The following PTPRN2 variants were observed in gnomAD, a reference collection of about 807,000 sequenced individuals.
The protein encoded by PTPRN2 is protein tyrosine phosphatase receptor type N2.
In PTPRN2, 74 loss-of-function variants were observed where a neutral mutation model predicts 118.8. That is an observed-to-expected ratio of 0.62 (90% CI 0.52 to 0.76). The LOEUF (loss-of-function observed/expected upper bound fraction) is 0.76. Ranked by LOEUF, PTPRN2 falls within the 30% of genes least tolerant of loss-of-function variation. The pLI, the probability that PTPRN2 is intolerant of heterozygous loss-of-function variation, is 0.00. For synonymous variants in PTPRN2, 641 were observed against 608.0 expected (o/e 1.05, Z -0.80); for missense variants, 1,481 against 1,394.4 (o/e 1.06, Z -0.99).
chr7:157,644,506 G>C (rs2150703680), intron 14 of PTPRN2, among the ~76,000 whole-genome samples: 1 of 152,286 alleles, frequency 6.6e-6, no homozygotes, highest in Middle Eastern at 3.4e-3. Context: ...ATCAATTAAA[G>C]CAGCACTCTG....
chr7:157,552,165 C>G (rs1798666730), intron 21 of PTPRN2, among the ~76,000 whole-genome samples: 1 of 152,126 alleles, frequency 6.6e-6, no homozygotes, highest in Non-Finnish European at 1.5e-5. Flanking sequence ...CCCACGGCCA[C>G]CACGCACCAC....
intron 12 of PTPRN2, among the ~76,000 whole-genome samples, chr7:157,762,016 G>C (rs1585401722): frequency 6.6e-6 from 1 of 152,168 alleles, no homozygotes; most frequent in East Asian, 1.9e-4. Context: ...CTGGCCATCA[G>C]AGAAATGCAA....
Position 157,719,369 on chromosome 7 carries a change from G to T in PTPRN2, c.1789-36432C>A, listed in dbSNP as rs578115387. ...GGCCTTCTCTCTAGGTCTGAGAAGTGGGAAGTCCCCCATTGGGAGTGGAAG... is the reference window on the plus strand; with the variant it reads ...GGCCTTCTCTCTAGGTCTGAGAAGTTGGAAGTCCCCCATTGGGAGTGGAAG... On this transcript the variant is annotated intron_variant, in intron 12 of 22. Transcript: ENST00000389418. 1.6e-3 allele frequency among the ~76,000 whole-genome samples: 245 copies of T among 152,360 alleles called. 1 individual carries two copies. The highest frequency in any genetic ancestry group is 2.3e-3 in the Non-Finnish European group (156 of 68,030).
chr7:158,514,663 C>T (rs536858840), intron 1 of PTPRN2, among the ~76,000 whole-genome samples: 1 of 152,328 alleles, frequency 6.6e-6, no homozygotes, highest in Non-Finnish European at 1.5e-5. Flanking sequence ...ACCTACTTTC[C>T]AAACACATCA....
At chr7:158,513,814 C>A (rs1344196267) in intron 1 of PTPRN2, among the ~76,000 whole-genome samples, 1 of 152,186 alleles carries the variant, frequency 6.6e-6, no homozygotes, top group African/African-American at 2.4e-5. Context: ...AATGTTTTGG[C>A]CTTTGATCTT....
At chr7:158,554,763 T>A (rs1826866908) in intron 1 of PTPRN2, among the ~76,000 whole-genome samples, 3 of 152,116 alleles carry the variant, frequency 2.0e-5, no homozygotes, top group Non-Finnish European at 4.4e-5. Context: ...GGCCTGGGAC[T>A]ATAGGATGTG....
intron 10 of PTPRN2, among the ~76,000 whole-genome samples, chr7:158,100,868 C>A (rs1408313359): frequency 6.6e-6 from 1 of 152,110 alleles, no homozygotes; most frequent in Non-Finnish European, 1.5e-5. Flanking sequence ...TGAAAGAAAT[C>A]ACAGATGACG....
chr7:158,218,991 T>C (rs1828153381), intron 3 of PTPRN2, among the ~76,000 whole-genome samples: 1 of 152,132 alleles, frequency 6.6e-6, no homozygotes, highest in Non-Finnish European at 1.5e-5. Flanking sequence ...GAGATTTCAA[T>C]ATCCCATTTG....
chr7:157,966,968 A>G (rs994649663), intron 11 of PTPRN2, among the ~76,000 whole-genome samples: 1 of 152,230 alleles, frequency 6.6e-6, no homozygotes, highest in Non-Finnish European at 1.5e-5. Flanking sequence ...GTTTGAAAGT[A>G]TATTTGTTTT....
intron 3 of PTPRN2, among the ~76,000 whole-genome samples, chr7:158,250,185 A>C (rs1322743600): frequency 1.3e-5 from 2 of 152,230 alleles, no homozygotes; most frequent in Non-Finnish European, 2.9e-5. Context: ...GGAAAGCCGA[A>C]CAACAGGACC....
chr7:158,132,723 T>A (rs1818466441), intron 9 of PTPRN2, among the ~76,000 whole-genome samples: 2 of 149,660 alleles, frequency 1.3e-5, no homozygotes, highest in Non-Finnish European at 3.0e-5. Context: ...TACGCACAGA[T>A]ACACATTTAC....
chr7:157,938,787 T>TG (rs1799875992), intron 11 of PTPRN2, among the ~76,000 whole-genome samples: 1 of 152,230 alleles, frequency 6.6e-6, no homozygotes, highest in Non-Finnish European at 1.5e-5. Flanking sequence ...AACCACCCTT[T>TG]GGGGTGTTGG....
At chr7:157,928,991 G>A (rs571491918) in intron 11 of PTPRN2, among the ~76,000 whole-genome samples, 9 of 152,122 alleles carry the variant, frequency 5.9e-5, no homozygotes, top group Non-Finnish European at 2.9e-5. Flanking sequence ...CGTCCAGAAC[G>A]TCAGGGCAGG....
intron 9 of PTPRN2, among the ~76,000 whole-genome samples, 178 bp from the exon 10 acceptor site, chr7:158,111,093 A>G (rs1816223238): frequency 1.3e-5 from 2 of 152,262 alleles, no homozygotes; most frequent in East Asian, 3.9e-4. Flanking sequence ...CAACAAGACA[A>G]ACAGTGCAGT....
intron 12 of PTPRN2, among the ~76,000 whole-genome samples, chr7:157,843,667 T>C (rs1808592679): frequency 6.6e-6 from 1 of 152,088 alleles, no homozygotes; most frequent in Non-Finnish European, 1.5e-5. Flanking sequence ...GGAAAAAAAT[T>C]TGGGAACACA....
At chr7:157,931,407 A>G (rs534765968) in intron 11 of PTPRN2, among the ~76,000 whole-genome samples, 1 of 152,204 alleles carries the variant, frequency 6.6e-6, no homozygotes, top group Non-Finnish European at 1.5e-5. Flanking sequence ...GGCAGGCCCA[A>G]TCAGGCCTGA....
At chr7:158,355,292 G>A (rs1586435980) in intron 2 of PTPRN2, among the ~76,000 whole-genome samples, 1 of 152,302 alleles carries the variant, frequency 6.6e-6, no homozygotes, top group Non-Finnish European at 1.5e-5. Context: ...ACTTCTCTGT[G>A]CTTCCATTTC....
chr7:158,442,438 A>G (rs1212682978), intron 2 of PTPRN2, among the ~76,000 whole-genome samples: 1 of 152,108 alleles, frequency 6.6e-6, no homozygotes, highest in Admixed American at 6.5e-5. Flanking sequence ...CCTTTTCTCC[A>G]CTAGAGGGTT....
chr7:158,027,210 T>C (rs10949692), intron 11 of PTPRN2, among the ~76,000 whole-genome samples: 119,054 of 151,842 alleles, frequency 0.78, 47,100 homozygotes, highest in Non-Finnish European at 0.85. Flanking sequence ...CTTCCACAGG[T>C]ACGTGAAAGG....
Sources: allele counts gnomAD v4.1 joint callset (sites outside exome capture counted in the v4.1 genomes callset), GRCh38; gene constraint gnomAD v4.1.1; transcripts MANE v1.5; gene names NCBI Gene and HGNC (gene_info 2026-07-23, HGNC 2026-07-21).